The following TENM4 variants were observed in gnomAD, a reference collection of about 807,000 sequenced individuals.
TENM4 encodes the protein teneurin transmembrane protein 4.
A neutral mutation model predicts 243.3 loss-of-function variants in TENM4; 82 were observed. The observed-to-expected ratio is 0.34, with a 90% CI of 0.28 to 0.40. The LOEUF (loss-of-function observed/expected upper bound fraction) is 0.40. Ranked by LOEUF, TENM4 falls within the 10% of genes least tolerant of loss-of-function variation. The pLI is 1.00. For missense variants in TENM4, 3,138 were observed against 3,673.3 expected, an observed-to-expected ratio of 0.85 and a Z score of 3.77; for synonymous variants, 1,412 against 1,456.3, an observed-to-expected ratio of 0.97 and a Z score of 0.69.
At chr11:79,110,184 C>T (rs1370782464) in intron 4 of TENM4, among the ~76,000 whole-genome samples, 1 of 152,214 alleles carries the variant, frequency 6.6e-6, no homozygotes. Flanking sequence ...CAGACTGCCG[C>T]CCACCTGATT....
rs764424004 is a variant in TENM4, at chr11:78,654,050, C to G, written c.*4008G>C. 3.9e-5 allele frequency: 6 copies of G among 152,170 alleles called. No homozygotes were observed. The highest frequency in any genetic ancestry group is 5.9e-5 in the Non-Finnish European group (4 of 68,038). 9.4% of individuals were successfully genotyped at this position (152,170 alleles called of 1,614,324 possible). Reference sequence around the variant, plus strand: ...CAGAGTTCTTTTTTAATTCCCTTTCCTCCAGTAAAATATAGACAAGTGTAT... The same window carrying G: ...CAGAGTTCTTTTTTAATTCCCTTTCGTCCAGTAAAATATAGACAAGTGTAT... On this transcript the variant is annotated 3_prime_UTR_variant, in exon 34 of 34. Coordinates refer to ENST00000278550, the MANE Select transcript of TENM4 (RefSeq NM_001098816.3).
intron 1 of TENM4, among the ~76,000 whole-genome samples, chr11:79,327,649 CTTTT>C (rs11408549): frequency 1.1e-4 from 13 of 119,774 alleles, no homozygotes; most frequent in Admixed American, 4.3e-4. Context: ...AATTGGAAAG[CTTTT>C]TTTTTTTTTT....
At chr11:79,324,669 T>G (rs1856945074) in intron 1 of TENM4, among the ~76,000 whole-genome samples, 1 of 152,038 alleles carries the variant, frequency 6.6e-6, no homozygotes, top group Admixed American at 6.5e-5. Flanking sequence ...TGTGTATATA[T>G]ATGTAGATGT....
intron 6 of TENM4, among the ~76,000 whole-genome samples, chr11:79,040,021 A>G (rs1859478521): frequency 8.5e-6 from 1 of 117,808 alleles, no homozygotes; most frequent in Non-Finnish European, 2.0e-5. Flanking sequence ...TAAATAAAAG[A>G]GGCAAAATGA....
intron 1 of TENM4, among the ~76,000 whole-genome samples, chr11:79,363,679 T>C (rs1045553202): frequency 3.3e-5 from 5 of 152,214 alleles, no homozygotes; most frequent in South Asian, 2.1e-4. Flanking sequence ...AGTAATTCTT[T>C]TGGAAAAGAT....
rs1046321893 is a variant in TENM4, at chr11:79,440,440, G to C, written c.-321+69C>G. ...TGCCCGGGCCAGCAGTGCAGAGGGC[G>C]ATGGAGCTGGCGAGGCGTCGCCGCG... On this transcript the variant is annotated intron_variant, in intron 1 of 33. Coordinates refer to ENST00000278550, the MANE Select transcript of TENM4 (RefSeq NM_001098816.3). The surrounding 1 kb of genome is among the most constrained non-coding windows in gnomAD (Gnocchi z 4.7). 1 of 152,386 alleles carries C rather than the reference G, an allele frequency of 6.6e-6. No individual in the cohort carries two copies. Among genetic ancestry groups the C allele is most frequent in the African/African-American group, 2.4e-5 (1 of 41,464 alleles). 9.4% of individuals were successfully genotyped at this position (152,386 alleles called of 1,614,324 possible).
intron 6 of TENM4, among the ~76,000 whole-genome samples, chr11:79,062,443 T>A (rs1011809326): frequency 6.6e-6 from 1 of 152,190 alleles, no homozygotes; most frequent in Non-Finnish European, 1.5e-5. Flanking sequence ...GCTCTGAGAA[T>A]AAAAGAGTTC....
At chr11:79,002,440 AG>A (rs1270646293) in intron 6 of TENM4, among the ~76,000 whole-genome samples, 5 of 152,198 alleles carry the variant, frequency 3.3e-5, no homozygotes, top group Admixed American at 6.5e-5. Flanking sequence ...GGAACACCTC[AG>A]CCCCTCCAAT....
chr11:79,215,013 A>C (rs540532249), intron 3 of TENM4, among the ~76,000 whole-genome samples: 21 of 152,328 alleles, frequency 1.4e-4, no homozygotes, highest in African/African-American at 4.8e-4. Flanking sequence ...TTCTATCTTG[A>C]AAGATTGCTG....
At chr11:79,138,340 A>T (rs1386846782) in intron 4 of TENM4, among the ~76,000 whole-genome samples, 2 of 118,528 alleles carry the variant, frequency 1.7e-5, no homozygotes, top group African/African-American at 6.8e-5. Flanking sequence ...TTATATATAT[A>T]ATATATAAAA....
intron 28 of TENM4, among the ~76,000 whole-genome samples, chr11:78,698,176 C>T (rs188417806): frequency 0.012 from 1,766 of 152,110 alleles, 18 homozygotes; most frequent in Non-Finnish European, 0.017. Context: ...CCTAGGTGGG[C>T]GGATCACTTG....
At chr11:79,139,589 C>CTTA (rs1862223361) in intron 4 of TENM4, among the ~76,000 whole-genome samples, 1 of 15,344 alleles carries the variant, frequency 6.5e-5, no homozygotes, top group Non-Finnish European at 9.8e-5. Flanking sequence ...TATTATATTT[C>CTTA]TAGAAATATA....
chr11:78,848,514 C>CT (rs1858455163), intron 12 of TENM4, among the ~76,000 whole-genome samples: 2 of 152,098 alleles, frequency 1.3e-5, no homozygotes, highest in Admixed American at 1.3e-4. Flanking sequence ...TCCCATTTTC[C>CT]TTTTTTAAAT....
chr11:79,389,058 G>T (rs1211675436), intron 1 of TENM4, among the ~76,000 whole-genome samples: 2 of 152,234 alleles, frequency 1.3e-5, no homozygotes, highest in Non-Finnish European at 2.9e-5. Context: ...CTGTAGGCCA[G>T]CAGTGCTCAG....
chr11:79,371,874 T>C (rs1857794678), intron 1 of TENM4, among the ~76,000 whole-genome samples: 3 of 152,204 alleles, frequency 2.0e-5, no homozygotes, highest in Admixed American at 6.5e-5. Context: ...CAGAGCTACC[T>C]TTTATCCTGA....
At chr11:79,397,447 A>C (rs887752653) in intron 1 of TENM4, among the ~76,000 whole-genome samples, 10 of 152,176 alleles carry the variant, frequency 6.6e-5, no homozygotes, top group Non-Finnish European at 1.5e-4. Context: ...TATGTGCTAC[A>C]TGGCTACCCA....
At chr11:79,423,276 C>T (rs1440422611) in intron 1 of TENM4, among the ~76,000 whole-genome samples, 1 of 152,102 alleles carries the variant, frequency 6.6e-6, no homozygotes, top group Non-Finnish European at 1.5e-5. Flanking sequence ...CACAATATAT[C>T]CCAAATCAGT....
chr11:78,862,568 T>C (rs1858849977), intron 10 of TENM4, among the ~76,000 whole-genome samples: 1 of 152,060 alleles, frequency 6.6e-6, no homozygotes, highest in Non-Finnish European at 1.5e-5. Context: ...ATCTTTCCAT[T>C]ACAACACCCC....
chr11:79,408,402 A>T (rs1858618568), intron 1 of TENM4, among the ~76,000 whole-genome samples: 1 of 152,194 alleles, frequency 6.6e-6, no homozygotes, highest in Non-Finnish European at 1.5e-5. Context: ...AATTAGACAG[A>T]CTTGGGTCGG....
Sources: gnomAD v4.1 joint callset for allele counts (sites outside exome capture counted in the v4.1 genomes callset) on GRCh38, gnomAD v4.1.1 for gene constraint, Gnocchi (gnomAD v3.1) non-coding constraint, MANE v1.5 for transcripts, NCBI Gene and HGNC (gene_info 2026-07-23, HGNC 2026-07-21) for gene names.